Variants in PPP2R5E observed in about 807,000 individuals in gnomAD.
PPP2R5E encodes the protein protein phosphatase 2 regulatory subunit B'epsilon, also known as serine/threonine-protein phosphatase 2A 56 kDa regulatory subunit epsilon isoform.
Under a neutral mutation model 65.3 loss-of-function variants are expected in PPP2R5E, and 4 were observed. That is an observed-to-expected ratio of 0.06 (90% confidence interval 0.03 to 0.14). The LOEUF is 0.14. PPP2R5E is among the 10% of genes least tolerant of loss of function. The pLI is 1.00. For synonymous variants in PPP2R5E, 183 were observed against 187.4 expected, an observed-to-expected ratio of 0.98 and a Z score of 0.19; for missense variants, 274 against 556.1, an observed-to-expected ratio of 0.49 and a Z score of 5.10.
intron 12 of PPP2R5E, among the ~76,000 whole-genome samples, chr14:63,383,439 G>T (rs1242840289): frequency 6.6e-6 from 1 of 152,064 alleles, no homozygotes; most frequent in Non-Finnish European, 1.5e-5. Flanking sequence ...TCCTCCCAAG[G>T]GCAGTGATGG....
chr14:63,538,263 T>C (rs980698178), intron 2 of PPP2R5E, among the ~76,000 whole-genome samples: 1 of 60,198 alleles, frequency 1.7e-5, no homozygotes, highest in Non-Finnish European at 2.9e-5. Context: ...TGCACTTTCT[T>C]TTTTTTTTTT....
At chr14:63,485,772 T>C (rs1291131217) in intron 2 of PPP2R5E, among the ~76,000 whole-genome samples, 1 of 151,766 alleles carries the variant, frequency 6.6e-6, no homozygotes, top group Non-Finnish European at 1.5e-5. Context: ...TCACTTCTAG[T>C]AATTCATAAG....
chr14:63,519,507 ATT>A (rs557285871), intron 2 of PPP2R5E, among the ~76,000 whole-genome samples: 7 of 124,288 alleles, frequency 5.6e-5, no homozygotes, highest in Admixed American at 8.0e-5. Flanking sequence ...TGCCCAGCTA[ATT>A]TTTTTTTTTT....
In PPP2R5E at chr14:63,374,634, G is replaced by GATTAT. The variant is rs1555353678; in HGVS notation, c.*1374_*1375insATAAT. 38 of 109,574 alleles carry GATTAT rather than the reference G, an allele frequency of 3.5e-4. 1 individual carries two copies. Among genetic ancestry groups the GATTAT allele is most frequent in the African/African-American group, 1.3e-3 (26 of 20,674 alleles). The allele number at this position is 109,574 out of a possible 1,614,324, so 6.8% of individuals were successfully genotyped here. On this transcript the variant is annotated 3_prime_UTR_variant, in exon 14 of 14. Coordinates refer to ENST00000337537, the MANE Select transcript of PPP2R5E (RefSeq NM_006246.5). ...TAAATACAAAGCAGAGAGCCAATAA[G>GATTAT]ATATATATATATATATATATATATA...
At chr14:63,394,383 C>A (rs1024454373) in intron 7 of PPP2R5E, among the ~76,000 whole-genome samples, 1 of 152,018 alleles carries the variant, frequency 6.6e-6, no homozygotes, top group African/African-American at 2.4e-5. Context: ...CCACACCCAG[C>A]CAGGATTTCT....
intron 11 of PPP2R5E, among the ~76,000 whole-genome samples, chr14:63,386,448 T>C (rs1884669736): frequency 6.6e-6 from 1 of 152,220 alleles, no homozygotes; most frequent in African/African-American, 2.4e-5. Context: ...TCTTAACCTC[T>C]TTACTCTGTT....
intron 3 of PPP2R5E, among the ~76,000 whole-genome samples, chr14:63,446,612 G>A (rs1017097476): frequency 8.6e-5 from 13 of 151,946 alleles, no homozygotes; most frequent in Admixed American, 6.6e-5. Flanking sequence ...GGTGGACCAC[G>A]AGATCAGGAG....
intron 5 of PPP2R5E, among the ~76,000 whole-genome samples, chr14:63,414,153 T>A (rs1484268108): frequency 2.0e-5 from 3 of 152,206 alleles, no homozygotes; most frequent in Non-Finnish European, 4.4e-5. Flanking sequence ...AAAAATTGGC[T>A]ATGGTTCAAC....
At chr14:63,441,207 TTTCATTAG>T in intron 3 of PPP2R5E, among the ~76,000 whole-genome samples, 1 of 105,996 alleles carries the variant, frequency 9.4e-6, no homozygotes, top group East Asian at 3.1e-4. Flanking sequence ...GGCCATCTTC[TTTCATTAG>T]TACACACCTT....
At chr14:63,404,920 T>C (rs574252575) in intron 5 of PPP2R5E, among the ~76,000 whole-genome samples, 2 of 152,354 alleles carry the variant, frequency 1.3e-5, no homozygotes, top group East Asian at 3.9e-4. Flanking sequence ...AGGGACTAGC[T>C]ACATAATTTG....
At chr14:63,505,933 AG>A (rs1387282155) in intron 2 of PPP2R5E, among the ~76,000 whole-genome samples, 2 of 152,174 alleles carry the variant, frequency 1.3e-5, no homozygotes, top group African/African-American at 4.8e-5. Flanking sequence ...GGTATCCAAG[AG>A]ACAAAATCAC....
At chr14:63,463,683 G>A (rs1180689254) in intron 2 of PPP2R5E, among the ~76,000 whole-genome samples, 2 of 149,998 alleles carry the variant, frequency 1.3e-5, no homozygotes, top group Admixed American at 6.7e-5. Flanking sequence ...TGCAAGCTCC[G>A]CCTCCCGGGT....
At chr14:63,504,638 G>A (rs971847358) in intron 2 of PPP2R5E, among the ~76,000 whole-genome samples, 38 of 152,100 alleles carry the variant, frequency 2.5e-4, no homozygotes, top group African/African-American at 7.2e-4. Context: ...TTTACTCATC[G>A]TATTAGATGT....
At chr14:63,450,257 T>C (rs1296789637) in intron 3 of PPP2R5E, among the ~76,000 whole-genome samples, 1 of 152,218 alleles carries the variant, frequency 6.6e-6, no homozygotes, top group Non-Finnish European at 1.5e-5. Context: ...AATTAGTAGC[T>C]AACAATTTCA....
At chr14:63,481,583 T>C (rs1890705679) in intron 2 of PPP2R5E, among the ~76,000 whole-genome samples, 1 of 152,088 alleles carries the variant, frequency 6.6e-6, no homozygotes, top group South Asian at 2.1e-4. Context: ...GCTCATTTAT[T>C]TAATTTAAAA....
intron 5 of PPP2R5E, among the ~76,000 whole-genome samples, chr14:63,399,744 T>A (rs1427815480): frequency 6.6e-6 from 1 of 152,242 alleles, no homozygotes; most frequent in Non-Finnish European, 1.5e-5. Context: ...GTTGTTTTTT[T>A]TAACATTCAT....
chr14:63,382,204 T>A, intron 12 of PPP2R5E, 47 bp from the exon 13 acceptor site: 1 of 1,465,308 alleles, frequency 6.8e-7, no homozygotes, highest in South Asian at 1.2e-5. Context: ...TCTTATAAAA[T>A]GGGATACTGA....
chr14:63,484,347 T>TCTCTCA (rs758248092), intron 2 of PPP2R5E, among the ~76,000 whole-genome samples: 1,554 of 139,650 alleles, frequency 0.011, 24 homozygotes, highest in East Asian at 0.036. Flanking sequence ...TCTCTCTCTC[T>TCTCTCA]CACACACACA....
intron 2 of PPP2R5E, among the ~76,000 whole-genome samples, chr14:63,531,417 T>C (rs1893429843): frequency 6.6e-6 from 1 of 151,946 alleles, no homozygotes; most frequent in Non-Finnish European, 1.5e-5. Context: ...TGTATACATA[T>C]GTAACAAACC....
Sources: gnomAD v4.1 joint callset for allele counts (sites outside exome capture counted in the v4.1 genomes callset) on GRCh38, gnomAD v4.1.1 for gene constraint, MANE v1.5 for transcripts, NCBI Gene and HGNC (gene_info 2026-07-23, HGNC 2026-07-21) for gene names.